NXPE2: variants seen among roughly 807,000 people sequenced by gnomAD.
NXPE2 encodes NXPE family member 2.
In NXPE2, 34 loss-of-function variants were observed where a neutral mutation model predicts 34.4. The ratio of observed to expected loss-of-function variants is 0.99; its 90% CI spans 0.75 to 1.31. The LOEUF is 1.31. NXPE2 is among the 40% of genes most tolerant of loss of function. The pLI is 0.00. For synonymous variants in NXPE2, 235 were observed against 231.3 expected (o/e 1.02, Z -0.15); for missense variants, 649 against 672.5 (o/e 0.97, Z 0.39).
chr11:114,593,599 A>G, the NXPE2 span, among the ~76,000 whole-genome samples: 3 of 152,108 alleles, frequency 2.0e-5, no homozygotes, highest in Non-Finnish European at 4.4e-5. Flanking sequence ...TACAACCACT[A>G]TAGAGAACAG....
the NXPE2 span, among the ~76,000 whole-genome samples, chr11:114,733,287 G>T: frequency 6.6e-6 from 1 of 152,036 alleles, no homozygotes; most frequent in Admixed American, 6.6e-5. Flanking sequence ...TACAGACGGG[G>T]TTTCACCGTG....
At chr11:114,699,456 C>T (rs890442150) in intron 3 of NXPE2, among the ~76,000 whole-genome samples, 3 of 152,156 alleles carry the variant, frequency 2.0e-5, no homozygotes, top group Admixed American at 1.3e-4. Flanking sequence ...GAAATTTAAA[C>T]TCTTTAATAT....
the NXPE2 span, among the ~76,000 whole-genome samples, chr11:114,637,869 C>A: frequency 1.3e-5 from 2 of 151,912 alleles, no homozygotes; most frequent in Non-Finnish European, 2.9e-5. Flanking sequence ...GAGGGTAACC[C>A]GACCTTTCTC....
the NXPE2 span, among the ~76,000 whole-genome samples, chr11:114,505,810 T>G: frequency 6.6e-6 from 1 of 152,102 alleles, no homozygotes; most frequent in Non-Finnish European, 1.5e-5. Flanking sequence ...AGCTACCATA[T>G]AAACAAGTCT....
At chr11:114,719,082 T>A in the NXPE2 span, among the ~76,000 whole-genome samples, 1 of 152,224 alleles carries the variant, frequency 6.6e-6, no homozygotes, top group Non-Finnish European at 1.5e-5. Context: ...CACTGTAAGA[T>A]CTGTTCCTTG....
the NXPE2 span, among the ~76,000 whole-genome samples, chr11:114,654,429 G>A: frequency 9.2e-5 from 14 of 152,034 alleles, no homozygotes; most frequent in South Asian, 2.1e-3. Flanking sequence ...TGCCATGGTG[G>A]TTTGCTGCAC....
At chr11:114,802,442 G>A in the NXPE2 span, among the ~76,000 whole-genome samples, 3 of 152,258 alleles carry the variant, frequency 2.0e-5, no homozygotes, top group African/African-American at 2.4e-5. Context: ...TGATTTGTCC[G>A]GGTTTGGGTC....
chr11:114,607,536 C>A, the NXPE2 span, among the ~76,000 whole-genome samples: 1 of 151,774 alleles, frequency 6.6e-6, no homozygotes, highest in African/African-American at 2.4e-5. Context: ...CACTGTTACC[C>A]GGTAGATAAT....
the NXPE2 span, among the ~76,000 whole-genome samples, chr11:114,539,405 C>A: frequency 6.7e-6 from 1 of 149,518 alleles, no homozygotes; most frequent in Admixed American, 6.7e-5. Context: ...GCACGTTGTG[C>A]ACATGTACCC....
chr11:114,684,257 C>T (rs1951001805), intron 2 of NXPE2, among the ~76,000 whole-genome samples: 1 of 151,920 alleles, frequency 6.6e-6, no homozygotes, highest in African/African-American at 2.4e-5. Flanking sequence ...GAAACCCCAT[C>T]ACTACTAAAA....
chr11:114,630,719 C>G, the NXPE2 span, among the ~76,000 whole-genome samples: 2 of 151,288 alleles, frequency 1.3e-5, no homozygotes, highest in African/African-American at 4.9e-5. Flanking sequence ...AAGAAACTAC[C>G]ATCAGAGTGA....
At chr11:114,548,905 C>T in the NXPE2 span, among the ~76,000 whole-genome samples, 14 of 151,810 alleles carry the variant, frequency 9.2e-5, no homozygotes, top group Admixed American at 6.6e-5. Context: ...AGACAAGCCA[C>T]TAGTGAATCT....
chr11:114,465,495 G>A, the NXPE2 span, among the ~76,000 whole-genome samples: 1 of 152,146 alleles, frequency 6.6e-6, no homozygotes, highest in Non-Finnish European at 1.5e-5. Context: ...TGAAGGAAGG[G>A]CATCAAAATC....
the NXPE2 span, among the ~76,000 whole-genome samples, chr11:114,782,517 C>T: frequency 6.6e-6 from 1 of 152,196 alleles, no homozygotes; most frequent in Non-Finnish European, 1.5e-5. Context: ...AAAAGCCATC[C>T]ACATACCATT....
the NXPE2 span, among the ~76,000 whole-genome samples, chr11:114,801,540 A>C: frequency 6.6e-6 from 1 of 152,210 alleles, no homozygotes; most frequent in Admixed American, 6.5e-5. Flanking sequence ...GAATGGCATT[A>C]ACTCATTCAG....
the NXPE2 span, among the ~76,000 whole-genome samples, chr11:114,643,687 AGCATGAT>A: frequency 2.0e-5 from 3 of 152,220 alleles, no homozygotes; most frequent in East Asian, 5.8e-4. Flanking sequence ...AAAGTCAGGT[AGCATGAT>A]GCCTCCACCT....
chr11:114,806,050 T>C, the NXPE2 span, among the ~76,000 whole-genome samples: 1 of 152,150 alleles, frequency 6.6e-6, no homozygotes, highest in Admixed American at 6.5e-5. Context: ...TATCCGCTGT[T>C]CTGCAGCCAC....
At chr11:114,635,039 A>G in the NXPE2 span, among the ~76,000 whole-genome samples, 7 of 152,006 alleles carry the variant, frequency 4.6e-5, no homozygotes, top group South Asian at 6.2e-4. Context: ...CATTGAGTCT[A>G]TAAATTACCT....
At chr11:114,664,657 T>C in the NXPE2 span, among the ~76,000 whole-genome samples, 2 of 152,124 alleles carry the variant, frequency 1.3e-5, no homozygotes. Context: ...CCCCAACTTG[T>C]GAGGGTTTGA....
Sources: allele counts gnomAD v4.1 joint callset (sites outside exome capture counted in the v4.1 genomes callset), GRCh38; gene constraint gnomAD v4.1.1; transcripts MANE v1.5; gene names NCBI Gene and HGNC (gene_info 2026-07-23, HGNC 2026-07-21).